The following VWA3A variants were observed in gnomAD, a reference collection of about 807,000 sequenced individuals.
VWA3A encodes the protein von Willebrand factor A domain-containing protein 3A.
VWA3A carries 134 observed loss-of-function variants against 160.4 expected under a neutral mutation model. The ratio of observed to expected loss-of-function variants is 0.84; its 90% CI spans 0.73 to 0.96. VWA3A has a LOEUF of 0.96. VWA3A is among the 40% of genes least tolerant of loss of function. The probability of loss-of-function intolerance (pLI) is 0.00; values close to 1 mark genes in which losing one functional copy is unlikely to be tolerated. For synonymous variants in VWA3A, 476 were observed against 543.4 expected, an observed-to-expected ratio of 0.88 and a Z score of 1.72; for missense variants, 1,310 against 1,447.9, an observed-to-expected ratio of 0.90 and a Z score of 1.55.
chr16:22,109,955 A>T, intron 7 of VWA3A, among the ~76,000 whole-genome samples: 1 of 152,326 alleles, frequency 6.6e-6, no homozygotes, highest in Non-Finnish European at 1.5e-5. Flanking sequence ...TATGGTTCCC[A>T]TTGGATACTC....
intron 8 of VWA3A, among the ~76,000 whole-genome samples, chr16:22,111,240 T>C (rs969376646): frequency 1.3e-5 from 2 of 152,200 alleles, no homozygotes; most frequent in African/African-American, 4.8e-5. Context: ...AAAGATAGTT[T>C]TATTATTGTG....
chr16:22,155,600 T>A lies in VWA3A; in HGVS notation c.3439T>A (p.Leu1147Ile). ...PTLPPFEGDDLRILAQEITKA... is the reference protein window; with the variant it reads ...PTLPPFEGDDIRILAQEITKA... ...ATTGCCACCATTTGAAGGAGATGATTTAAGGATCCTGGCCCAGGAGATCAC... is the reference window on the plus strand; with the variant it reads ...ATTGCCACCATTTGAAGGAGATGATATAAGGATCCTGGCCCAGGAGATCAC... The change falls in exon 32 of 34, where the codon TTA becomes ATA. Residue 1147 changes from leucine (L) to isoleucine (I), a missense_variant. Physicochemically the swap from Leu to Ile is conservative, Grantham distance 5. Transcript: ENST00000389398. 6.2e-7 allele frequency: 1 copy of A among 1,613,966 alleles called. No homozygotes were observed. Among genetic ancestry groups the A allele is most frequent in the Non-Finnish European group, 8.5e-7 (1 of 1,179,882 alleles).
rs765610401 is a variant in VWA3A, at chr16:22,152,514, G to A, written c.3285G>A (p.Ala1095=). Residue 1095 remains alanine (A), a synonymous_variant, in exon 31 of 34, where the codon GCG becomes GCA. Coordinates refer to ENST00000389398, the MANE Select transcript of VWA3A (RefSeq NM_173615.5). ...HTISLNCSDR[A]AVEFLRKLAS... ...GCCCTCTGTCCCTTCCTTCCAGAGC[G>A]GCGGTTGAGTTCCTGAGAAAGCTGG... 7.4e-6 allele frequency: 12 copies of A among 1,611,108 alleles called. No homozygotes were observed. Among genetic ancestry groups the A allele is most frequent in the African/African-American group, 4.0e-5 (3 of 74,870 alleles).
At chr16:22,152,368 G>T (rs2046364077) in intron 30 of VWA3A, 143 bp from the exon 31 acceptor site, 6 of 1,054,100 alleles carry the variant, frequency 5.7e-6, no homozygotes, top group South Asian at 1.7e-5. Flanking sequence ...TCTAATGGTG[G>T]TCTCCATGGG....
chr16:22,137,860 A>G (rs2046072592), intron 21 of VWA3A, among the ~76,000 whole-genome samples: 1 of 152,196 alleles, frequency 6.6e-6, no homozygotes, highest in Non-Finnish European at 1.5e-5. Flanking sequence ...AAGCCTTGTG[A>G]TTCTGAAGTC....
intron 12 of VWA3A, 41 bp from the exon 13 acceptor site, chr16:22,120,927 A>G (rs1332949784): frequency 6.2e-7 from 1 of 1,611,088 alleles, no homozygotes; most frequent in Non-Finnish European, 8.5e-7. Flanking sequence ...TTTCAGCTCT[A>G]AAATATGATT....
chr16:22,118,980 C>T lies in VWA3A; in HGVS notation c.1069C>T (p.Leu357=). The T allele has an allele frequency of 6.2e-7, 1 of 1,613,882 alleles. No individual in the cohort carries two copies. The highest frequency in any genetic ancestry group is 1.1e-5 in the South Asian group (1 of 91,060). The change falls in exon 12 of 34, where the codon CTG becomes TTG. Residue 357 remains leucine, a synonymous_variant. Coordinates refer to ENST00000389398, the MANE Select transcript of VWA3A (RefSeq NM_173615.5). ...GAGCCTCCTCAGCCACGTGCAAGCC[C>T]TGCAGCACAGCAGCCCCTGTGAGGC... ...AQSLLSHVQA[L]QHSSPCEALT...
At chr16:22,141,739 G>A (rs2141996265) in intron 24 of VWA3A, 47 bp downstream of exon 24, 3 of 1,531,716 alleles carry the variant, frequency 2.0e-6, no homozygotes, top group East Asian at 2.4e-5. Flanking sequence ...CTGGCCCTGG[G>A]GGAGCTGTAA....
intron 12 of VWA3A, among the ~76,000 whole-genome samples, chr16:22,119,953 G>T (rs1048532157): frequency 1.3e-5 from 2 of 151,744 alleles, no homozygotes; most frequent in African/African-American, 4.8e-5. Context: ...AGGAGGCAGA[G>T]GTTGCAGTGA....
At chr16:22,125,214 C>CAAA (rs1182938603) in intron 16 of VWA3A, among the ~76,000 whole-genome samples, 1 of 86,138 alleles carries the variant, frequency 1.2e-5, no homozygotes. Context: ...CTGGTCTCTA[C>CAAA]AAAAAAAAAA....
In VWA3A at chr16:22,138,408, G is replaced by T; in HGVS notation, c.2188G>T (p.Gly730Ter). The T allele has an allele frequency of 6.2e-7, 1 of 1,610,802 alleles. No individual in the cohort carries two copies. The change falls in exon 22 of 34, where the codon GGA (glycine) becomes TGA (stop). Residue 730 changes from glycine (G) to a stop codon, truncating the protein, a stop_gained. Coordinates refer to ENST00000389398, the MANE Select transcript of VWA3A (RefSeq NM_173615.5). LOFTEE classifies it high-confidence loss of function. The part of the protein sequence containing the change: ...SLKNHSGKVL[G>*]SSALPKEKPK... ...GAAGAACCATTCAGGAAAAGTACTG[G>T]GAAGTTCAGCCCTCCCGAAAGAAAA...
chr16:22,153,738 ATT>A (rs66519465), intron 31 of VWA3A, among the ~76,000 whole-genome samples: 4 of 132,554 alleles, frequency 3.0e-5, no homozygotes, highest in Non-Finnish European at 3.1e-5. Context: ...ACATGGCATA[ATT>A]TTTTTTTTTT....
intron 5 of VWA3A, among the ~76,000 whole-genome samples, chr16:22,100,942 G>A (rs2045399054): frequency 6.8e-6 from 1 of 147,212 alleles, no homozygotes. Context: ...GGGACCTTGG[G>A]CAATAGAGTG....
At chr16:22,133,231 C>T (rs2045980871) in intron 20 of VWA3A, 136 bp downstream of exon 20, 1 of 1,023,972 alleles carries the variant, frequency 9.8e-7, no homozygotes, top group Non-Finnish European at 1.4e-6. Context: ...AACTGTTCCT[C>T]TGAAGATAGA....
At chr16:22,097,486 G>A (rs570508869) in intron 2 of VWA3A, 86 bp from the exon 3 acceptor site, 7 of 1,497,858 alleles carry the variant, frequency 4.7e-6, no homozygotes, top group Admixed American at 2.2e-5. Context: ...ATCCTTGTAG[G>A]GACTAGGGCA....
chr16:22,096,876 G>GT lies in VWA3A; in HGVS notation c.36dup (p.Ala13CysfsTer7). On this transcript the variant is annotated frameshift_variant, in exon 2 of 34. Coordinates refer to ENST00000389398, the MANE Select transcript of VWA3A (RefSeq NM_173615.5). LOFTEE classifies it high-confidence loss of function. ...TTCTTTAGGAAAATAAGCATTGGGT[G>GT]TTTTGCAATGGCTACACAAACTAGT... 6.5e-7 allele frequency: 1 copy of GT among 1,547,408 alleles called. No individual in the cohort carries two copies. Among genetic ancestry groups the GT allele is most frequent in the East Asian group, 2.4e-5 (1 of 40,842 alleles).
In VWA3A at chr16:22,141,828, C is replaced by T. The variant is rs2046156221; in HGVS notation, c.2494+136C>T. The T allele has an allele frequency of 1.4e-5, 9 of 662,866 alleles. No homozygotes were observed. In the Middle Eastern group the frequency reaches 1.4e-3, roughly 104 times the overall value. 41.1% of individuals were successfully genotyped at this position (662,866 alleles called of 1,614,324 possible). A position where few individuals can be genotyped will look rare whatever the true frequency, so the allele number is the denominator to read the frequency against. ...ACTGGTGCCTCTGGAGCAAGCCGTA[C>T]TCAACTCAGTTCTCCCAGCCCTGGG... On this transcript the variant is annotated intron_variant, in intron 24 of 33. Coordinates refer to ENST00000389398, the MANE Select transcript of VWA3A (RefSeq NM_173615.5).
chr16:22,141,178 A>G (rs1341589375), intron 23 of VWA3A: 2 of 462,040 alleles, frequency 4.3e-6, no homozygotes, highest in Admixed American at 4.7e-5. Context: ...ACCTAAGACC[A>G]TGTATTTTAT....
chr16:22,099,302 G>A lies in VWA3A; in HGVS notation c.226-892G>A, dbSNP rs1414664738. ...ACATAATGAGAAAGTAATCTTGCCC[G>A]TCAGTCCTCTCACTCCTTCATGGAG... On this transcript the variant is annotated intron_variant, in intron 3 of 33. Coordinates refer to ENST00000389398, the MANE Select transcript of VWA3A (RefSeq NM_173615.5). 2.0e-5 allele frequency among the ~76,000 whole-genome samples: 3 copies of A among 152,176 alleles called. No homozygotes were observed. In the South Asian group the frequency reaches 6.2e-4, roughly 32 times the overall value.
Sources: allele counts gnomAD v4.1 joint callset (sites outside exome capture counted in the v4.1 genomes callset), GRCh38; gene constraint gnomAD v4.1.1; transcripts MANE v1.5; gene names NCBI Gene and HGNC (gene_info 2026-07-23, HGNC 2026-07-21).